Variants in AQP9 observed in about 807,000 individuals in gnomAD.
The protein encoded by AQP9 is aquaporin-9.
AQP9 carries 19 observed loss-of-function variants against 23.8 expected under a neutral mutation model. That is an observed-to-expected ratio of 0.80 (90% CI 0.56 to 1.17). The LOEUF is 1.17. Ranked by LOEUF, AQP9 falls within the 50% of genes most tolerant of loss-of-function variation. The probability of loss-of-function intolerance (pLI) is 0.00; values close to 1 mark genes in which losing one functional copy is unlikely to be tolerated. For synonymous variants in AQP9, 153 were observed against 131.5 expected (o/e 1.16, Z -1.12); for missense variants, 413 against 362.0 (o/e 1.14, Z -1.14).
chr15:58,138,774 T>C, intron 1 of AQP9, 98 bp downstream of exon 1: 1 of 1,012,646 alleles, frequency 9.9e-7, no homozygotes, highest in Non-Finnish European at 1.5e-6. Context: ...TTATTTAAGT[T>C]AATTGGGATC....
At chr15:58,175,306 C>T (rs1898724953) in intron 4 of AQP9, among the ~76,000 whole-genome samples, 1 of 152,196 alleles carries the variant, frequency 6.6e-6, no homozygotes, top group Non-Finnish European at 1.5e-5. Context: ...ACATTTCAAT[C>T]CCTGTAGACA....
rs1897896487 is a variant in AQP9 at position 58,138,530 on chromosome 15, A to G, written c.-36A>G. 1 of 1,553,906 alleles carries G rather than the reference A, an allele frequency of 6.4e-7. No individual in the cohort carries two copies. The highest frequency in any genetic ancestry group is 8.9e-7 in the Non-Finnish European group (1 of 1,129,216). ...AAAGTGAGGACCACAACAGGTAGGT[A>G]TTGGTAGAAACAGGAGTCCTCAGAG... On this transcript the variant is annotated 5_prime_UTR_variant, in exon 1 of 6. Coordinates refer to ENST00000219919, the MANE Select transcript of AQP9 (RefSeq NM_020980.5).
chr15:58,168,602 G>T (rs1293585050), intron 2 of AQP9, among the ~76,000 whole-genome samples: 23 of 152,184 alleles, frequency 1.5e-4, no homozygotes, highest in Admixed American at 1.4e-3. Context: ...CCACTCTGTT[G>T]CCCAGGCTGG....
At chr15:58,147,162 T>C (rs1344833868) in intron 1 of AQP9, among the ~76,000 whole-genome samples, 4 of 152,134 alleles carry the variant, frequency 2.6e-5, no homozygotes. Context: ...GAATTTTAAT[T>C]TTACCCAGAA....
intron 1 of AQP9, 31 bp from the exon 2 acceptor site, chr15:58,166,642 A>T (rs1306268593): frequency 1.3e-6 from 2 of 1,591,614 alleles, no homozygotes; most frequent in Admixed American, 1.8e-5. Flanking sequence ...AGCCATCCCC[A>T]CTTACCTGTT....
intron 1 of AQP9, among the ~76,000 whole-genome samples, chr15:58,144,105 G>A (rs905291338): frequency 2.7e-4 from 41 of 152,128 alleles, no homozygotes; most frequent in Non-Finnish European, 1.0e-4. Flanking sequence ...TTTACTAAAC[G>A]TTTAGGTGCC....
intron 1 of AQP9, among the ~76,000 whole-genome samples, chr15:58,143,851 T>C (rs1190871979): frequency 6.6e-6 from 1 of 152,184 alleles, no homozygotes; most frequent in African/African-American, 2.4e-5. Flanking sequence ...CTGGAGTATA[T>C]ACCTAGAAGA....
intron 2 of AQP9, among the ~76,000 whole-genome samples, chr15:58,168,416 C>A (rs1486435765): frequency 6.6e-6 from 1 of 152,186 alleles, no homozygotes; most frequent in Non-Finnish European, 1.5e-5. Flanking sequence ...GAGGATCCTG[C>A]AGTTAAGCTG....
In AQP9 at chr15:58,185,310, A is replaced by G. The variant is rs187854368; in HGVS notation, c.*1175A>G. ...TCAGAAGATCAGTAGCTGGCTGACA[A>G]TCTTTGCCAAATCTTCCTTGCTAGC... On this transcript the variant is annotated 3_prime_UTR_variant, in exon 6 of 6. Transcript: ENST00000219919. 6.5e-6 allele frequency: 1 copy of G among 152,766 alleles called. No individual in the cohort carries two copies. Among genetic ancestry groups the G allele is most frequent in the Non-Finnish European group, 1.5e-5 (1 of 68,036 alleles). 9.5% of individuals were successfully genotyped at this position (152,766 alleles called of 1,614,324 possible).
chr15:58,150,711 T>C (rs1357103578), intron 1 of AQP9: 1 of 152,212 alleles, frequency 6.6e-6, no homozygotes, highest in Non-Finnish European at 1.5e-5. Flanking sequence ...AATATTTATA[T>C]AGAAAAATCC....
chr15:58,170,650 G>C (rs752306909), intron 2 of AQP9, among the ~76,000 whole-genome samples: 2 of 151,944 alleles, frequency 1.3e-5, no homozygotes, highest in Non-Finnish European at 2.9e-5. Flanking sequence ...TGATCCACTC[G>C]CCTTGGCCTC....
chr15:58,140,804 T>G (rs1215311445), intron 1 of AQP9, among the ~76,000 whole-genome samples: 1 of 152,188 alleles, frequency 6.6e-6, no homozygotes, highest in Non-Finnish European at 1.5e-5. Context: ...TGGTTCTATT[T>G]TTTTTCCCTC....
intron 1 of AQP9, chr15:58,164,280 G>C (rs564164934): frequency 6.6e-6 from 1 of 152,186 alleles, no homozygotes; most frequent in Non-Finnish European, 1.5e-5. Context: ...GACCATAAAA[G>C]AGGGGAGACG....
At chr15:58,161,012 G>T (rs1295328792) in intron 1 of AQP9, among the ~76,000 whole-genome samples, 1 of 152,148 alleles carries the variant, frequency 6.6e-6, no homozygotes, top group East Asian at 1.9e-4. Context: ...AGGTGGCTGG[G>T]AATCATGAGG....
Position 58,173,169 on chromosome 15 carries a change from T to A in AQP9, c.340T>A (p.Phe114Ile). The change falls in exon 3 of 6, where the codon TTT (phenylalanine) becomes ATT (isoleucine). Residue 114 changes from phenylalanine to isoleucine, a missense_variant. Coordinates refer to ENST00000219919, the MANE Select transcript of AQP9 (RefSeq NM_020980.5). ...TGTGGGAGCCCAGTTCTTGGGAGCCTTTGTGGGGGCTGCAACCGTCTTTGG... is the reference window on the plus strand; with the variant it reads ...TGTGGGAGCCCAGTTCTTGGGAGCCATTGTGGGGGCTGCAACCGTCTTTGG... ...FYVGAQFLGA[F>I]VGAATVFGIY... The A allele has an allele frequency of 6.2e-7, 1 of 1,614,170 alleles. No homozygotes were observed. Among genetic ancestry groups the A allele is most frequent in the Non-Finnish European group, 8.5e-7 (1 of 1,180,024 alleles).
At chr15:58,159,507 T>C (rs1898329639) in intron 1 of AQP9, among the ~76,000 whole-genome samples, 1 of 152,246 alleles carries the variant, frequency 6.6e-6, no homozygotes, top group African/African-American at 2.4e-5. Flanking sequence ...CTTTTCATTC[T>C]GCTAGGAATA....
At chr15:58,161,166 C>T (rs1898375003) in intron 1 of AQP9, among the ~76,000 whole-genome samples, 1 of 151,974 alleles carries the variant, frequency 6.6e-6, no homozygotes, top group African/African-American at 2.4e-5. Flanking sequence ...TTGGAGGCTG[C>T]AGATGAAGGC....
intron 1 of AQP9, among the ~76,000 whole-genome samples, chr15:58,156,532 C>T (rs572058107): frequency 9.9e-5 from 15 of 152,252 alleles, no homozygotes; most frequent in Admixed American, 2.0e-4. Flanking sequence ...TCGAACATAG[C>T]GCATTTCAGT....
intron 1 of AQP9, among the ~76,000 whole-genome samples, chr15:58,154,730 A>T (rs1406166006): frequency 1.3e-5 from 2 of 152,008 alleles, no homozygotes; most frequent in East Asian, 1.9e-4. Context: ...AAGACTATTA[A>T]CCCCACGAAA....
Sources: gnomAD v4.1 joint callset for allele counts (sites outside exome capture counted in the v4.1 genomes callset) on GRCh38, gnomAD v4.1.1 for gene constraint, MANE v1.5 for transcripts, NCBI Gene and HGNC (gene_info 2026-07-23, HGNC 2026-07-21) for gene names.